Variants in AFF1 observed in about 807,000 individuals in gnomAD.
AFF1 encodes AF4/FMR2 family member 1.
AFF1 carries 48 observed loss-of-function variants against 121.7 expected under a neutral mutation model. The ratio of observed to expected loss-of-function variants is 0.39; its 90% CI spans 0.31 to 0.50. The LOEUF is 0.50. AFF1 is among the 20% of genes least tolerant of loss of function. The pLI, the probability that AFF1 is intolerant of heterozygous loss-of-function variation, is 0.76. For missense variants in AFF1, 1,523 were observed against 1,511.7 expected (o/e 1.01, Z -0.12); for synonymous variants, 613 against 563.0 (o/e 1.09, Z -1.26).
intron 5 of AFF1, 88 bp from the exon 6 acceptor site, chr4:87,089,896 C>A: frequency 6.6e-6 from 6 of 902,452 alleles, no homozygotes; most frequent in Non-Finnish European, 1.0e-5. Context: ...TATGATCAAT[C>A]CATTCTACAT....
In AFF1 at chr4:87,041,511, A is replaced by AGCT. The variant is rs767073342; in HGVS notation, c.39-4654_39-4652dup. 1.1e-3 allele frequency among the ~76,000 whole-genome samples: 165 copies of AGCT among 152,296 alleles called. 3 individuals are homozygous for AGCT. The highest frequency in any genetic ancestry group is 2.8e-4 in the Non-Finnish European group (19 of 68,028). On this transcript the variant is annotated intron_variant, in intron 2 of 20. Coordinates refer to ENST00000395146, the MANE Select transcript of AFF1 (RefSeq NM_001166693.3). ...TGATCTGTGTTTTGACAAACCCTCC[A>AGCT]GCTAACTGACTCAGGTTTGAGAACC...
chr4:87,010,493 T>C (rs1311268332), intron 2 of AFF1, among the ~76,000 whole-genome samples: 1 of 152,208 alleles, frequency 6.6e-6, no homozygotes, highest in Non-Finnish European at 1.5e-5. Context: ...ACTTGCTTTC[T>C]TTGATGTGAA....
At chr4:86,961,664 A>ACC (rs1722159243) in intron 2 of AFF1, among the ~76,000 whole-genome samples, 10 of 151,484 alleles carry the variant, frequency 6.6e-5, no homozygotes, top group Non-Finnish European at 1.3e-4. Context: ...AGTTACCCAA[A>ACC]AAAAAAAAAA....
chr4:87,049,101 G>C lies in AFF1; in HGVS notation c.1059+1507G>C, dbSNP rs371804458. Among the ~76,000 whole-genome samples, 142 of 146,926 alleles carry C rather than the reference G, an allele frequency of 9.7e-4. 1 individual carries two copies. The highest frequency in any genetic ancestry group is 7.0e-3 in the Middle Eastern group (2 of 286). ...GTTTAAAAAAAAAAAAAAAAGGGGG[G>C]GGGGGGACAACTTAACATTCTTTCT... On this transcript the variant is annotated intron_variant, in intron 4 of 20. Coordinates refer to ENST00000395146, the MANE Select transcript of AFF1 (RefSeq NM_001166693.3).
At chr4:87,021,021 C>T (rs908504534) in intron 2 of AFF1, among the ~76,000 whole-genome samples, 21 of 152,144 alleles carry the variant, frequency 1.4e-4, no homozygotes, top group African/African-American at 4.8e-4. Context: ...CCATTCTGTT[C>T]TCTATATTTA....
intron 2 of AFF1, chr4:86,949,794 C>G: frequency 6.2e-7 from 1 of 1,613,900 alleles, no homozygotes; most frequent in Non-Finnish European, 8.5e-7. Context: ...AACAGGGCCA[C>G]TGGGAGACAC....
At chr4:87,097,006 A>G (rs1303909130) in intron 8 of AFF1, among the ~76,000 whole-genome samples, 1 of 152,190 alleles carries the variant, frequency 6.6e-6, no homozygotes, top group Non-Finnish European at 1.5e-5. Context: ...AAACCAGTTG[A>G]TGGCTGGTAA....
chr4:87,135,500 C>G, intron 20 of AFF1, 80 bp from the exon 21 acceptor site: 1 of 1,411,540 alleles, frequency 7.1e-7, no homozygotes, highest in Non-Finnish European at 9.4e-7. Context: ...CTTCTGGAAC[C>G]TTGAATTTTT....
intron 6 of AFF1, among the ~76,000 whole-genome samples, chr4:87,091,145 T>C (rs236685): frequency 0.82 from 124,327 of 152,126 alleles, 51,006 homozygotes; most frequent in African/African-American, 0.89. Flanking sequence ...TGGCTTATGC[T>C]TGTAATCCCA....
chr4:87,041,079 G>A (rs927946858), intron 2 of AFF1, among the ~76,000 whole-genome samples: 4 of 151,770 alleles, frequency 2.6e-5, no homozygotes, highest in African/African-American at 7.3e-5. Flanking sequence ...GTTTCACCAC[G>A]TTGGCCAAGC....
At chr4:86,998,362 C>G (rs867578663) in intron 2 of AFF1, among the ~76,000 whole-genome samples, 1 of 152,166 alleles carries the variant, frequency 6.6e-6, no homozygotes, top group African/African-American at 2.4e-5. Context: ...CCCTTACCTC[C>G]TTCCTGGAAC....
In AFF1 at chr4:87,108,165, A is replaced by G. The variant is rs1247067461; in HGVS notation, c.1383A>G (p.Pro461=). Residue 461 remains proline, a synonymous_variant, in exon 11 of 21, where the codon CCA becomes CCG. Transcript: ENST00000395146. ...PPSSSAPPSA[P]QSLPEPVASA... Reference sequence around the variant, plus strand: ...TCTTTTGGTTGCTTTGCAGTGCTCCACAGTCCCTTCCAGAACCAGTGGCAT... The same window carrying G: ...TCTTTTGGTTGCTTTGCAGTGCTCCGCAGTCCCTTCCAGAACCAGTGGCAT... 2 of 1,613,960 alleles carry G rather than the reference A, an allele frequency of 1.2e-6. No homozygotes were observed. The highest frequency in any genetic ancestry group is 4.5e-5 in the East Asian group (2 of 44,882).
At chr4:86,961,799 T>G (rs1181017915) in intron 2 of AFF1, among the ~76,000 whole-genome samples, 1 of 152,110 alleles carries the variant, frequency 6.6e-6, no homozygotes, top group African/African-American at 2.4e-5. Flanking sequence ...TGTTACAGCA[T>G]TGCACAGATG....
intron 2 of AFF1, among the ~76,000 whole-genome samples, chr4:87,027,888 G>C (rs1728688608): frequency 6.7e-6 from 1 of 148,960 alleles, no homozygotes; most frequent in South Asian, 2.1e-4. Context: ...CTGCCTCCTG[G>C]GGTTCAAGTG....
intron 2 of AFF1, among the ~76,000 whole-genome samples, chr4:86,966,676 T>G (rs2149474438): frequency 6.6e-6 from 1 of 152,322 alleles, no homozygotes; most frequent in East Asian, 1.9e-4. Flanking sequence ...TGGTTGAGCC[T>G]TTAGGATTTG....
At position 87,140,849 on chromosome 4, in the gene AFF1, G is replaced by GTT. The variant is rs200604128; in HGVS notation, c.*5156_*5157dup. 2 of 184,306 alleles carry GTT rather than the reference G, an allele frequency of 1.1e-5. No homozygotes were observed. Among genetic ancestry groups the GTT allele is most frequent in the Non-Finnish European group, 2.3e-5 (2 of 86,960 alleles). The allele number at this position is 184,306 out of a possible 1,614,324, so 11.4% of individuals were successfully genotyped here. ...ATATGTGATCTGTGAGAGAATTATA[G>GTT]TTTTTTTTTAGAAGAAAAATCTGCA... On this transcript the variant is annotated 3_prime_UTR_variant, in exon 21 of 21. Transcript: ENST00000395146.
intron 2 of AFF1, among the ~76,000 whole-genome samples, chr4:87,009,793 G>A (rs1476835394): frequency 6.6e-6 from 1 of 152,176 alleles, no homozygotes; most frequent in South Asian, 2.1e-4. Flanking sequence ...AATGCTAAGA[G>A]AAACCAAAAC....
intron 2 of AFF1, among the ~76,000 whole-genome samples, chr4:86,954,446 G>A (rs953619997): frequency 6.6e-6 from 1 of 152,184 alleles, no homozygotes; most frequent in Non-Finnish European, 1.5e-5. Context: ...TCATTTCTAG[G>A]CATGGTGGCT....
At chr4:87,048,195 A>T (rs565950884) in intron 4 of AFF1, 1 of 153,618 alleles carries the variant, frequency 6.5e-6, no homozygotes, top group East Asian at 1.9e-4. Flanking sequence ...ATATTTTATT[A>T]TTTATCACCT....
Sources: gnomAD v4.1 joint callset for allele counts (sites outside exome capture counted in the v4.1 genomes callset) on GRCh38, gnomAD v4.1.1 for gene constraint, MANE v1.5 for transcripts, NCBI Gene and HGNC (gene_info 2026-07-23, HGNC 2026-07-21) for gene names.